The following PCDHGA2 variants were observed in gnomAD, a reference collection of about 807,000 sequenced individuals.
The protein encoded by PCDHGA2 is protocadherin gamma subfamily A, 2, also known as protocadherin gamma-A2.
In PCDHGA2, 40 loss-of-function variants were observed where a neutral mutation model predicts 59.2. The ratio of observed to expected loss-of-function variants is 0.68; its 90% CI spans 0.52 to 0.88. The LOEUF (loss-of-function observed/expected upper bound fraction) is 0.88, where lower values mean the gene tolerates loss of function less well. Among genes scored for constraint, PCDHGA2 ranks in the 40% least tolerant of loss-of-function variants. PCDHGA2 has a pLI of 0.00. For missense variants in PCDHGA2, 1,226 were observed against 1,204.0 expected (o/e 1.02, Z -0.27); for synonymous variants, 560 against 526.0 (o/e 1.06, Z -0.89).
At chr5:141,366,588 A>G (rs1222422488) in intron 1 of PCDHGA2, 1 of 1,614,114 alleles carries the variant, frequency 6.2e-7, no homozygotes, top group African/African-American at 1.3e-5. Context: ...CTGCAGACCT[A>G]TTCCCACGAG....
chr5:141,387,851 C>T, intron 1 of PCDHGA2: 5 of 1,596,536 alleles, frequency 3.1e-6, no homozygotes, highest in Non-Finnish European at 4.3e-6. Flanking sequence ...CCGGCGTCTC[C>T]AGGCTGGTGA....
chr5:141,489,174 C>A lies in PCDHGA2; in HGVS notation c.2425-5633C>A. On this transcript the variant is annotated intron_variant, in intron 1 of 3. Coordinates refer to ENST00000394576, the MANE Select transcript of PCDHGA2 (RefSeq NM_018915.4). The surrounding 1 kb of genome is among the most constrained non-coding windows in gnomAD (Gnocchi z 4.5). ...ATAAGAGACTTCAGCTGCTGCATTC[C>A]AAGCCCTGGGTCTACCTTGGAGACA... The A allele has an allele frequency of 8.2e-7, 1 of 1,224,772 alleles. No individual in the cohort carries two copies. 75.9% of individuals were successfully genotyped at this position (1,224,772 alleles called of 1,614,324 possible).
intron 1 of PCDHGA2, chr5:141,384,315 C>G (rs1465826601): frequency 6.2e-7 from 1 of 1,613,878 alleles, no homozygotes; most frequent in Non-Finnish European, 8.5e-7. Flanking sequence ...CCTCCATTTT[C>G]TTAGTGACTG....
intron 1 of PCDHGA2, 32 bp downstream of exon 1, chr5:141,341,427 C>T (rs1757055903): frequency 6.2e-7 from 1 of 1,612,370 alleles, no homozygotes; most frequent in Non-Finnish European, 8.5e-7. Flanking sequence ...TACGTACTAG[C>T]TAGTTTGCTG....
chr5:141,351,766 C>T (rs754880046), intron 1 of PCDHGA2: 4 of 1,613,526 alleles, frequency 2.5e-6, no homozygotes, highest in South Asian at 1.1e-5. Flanking sequence ...CCTACGTGTC[C>T]GTGAGCCCGC....
At chr5:141,450,067 T>C (rs1007808503) in intron 1 of PCDHGA2, among the ~76,000 whole-genome samples, 4 of 147,604 alleles carry the variant, frequency 2.7e-5, no homozygotes, top group African/African-American at 1.0e-4. Context: ...AATGCAGTGG[T>C]ATGATCTTGG....
chr5:141,485,619 G>A lies in PCDHGA2; in HGVS notation c.2425-9188G>A. On this transcript the variant is annotated intron_variant, in intron 1 of 3. Coordinates refer to ENST00000394576, the MANE Select transcript of PCDHGA2 (RefSeq NM_018915.4). This position sits in a 1 kb window ranked among gnomAD's most constrained non-coding sequence, Gnocchi z 5.7. ...GAAATTGGGGAGGCAGCTCCTCCAG[G>A]ACAGCGTTTCCCGTTGGAAAAGGCT... 3 of 1,612,234 alleles carry A rather than the reference G, an allele frequency of 1.9e-6. No homozygotes were observed. The highest frequency in any genetic ancestry group is 2.5e-6 in the Non-Finnish European group (3 of 1,178,678).
chr5:141,375,744 A>G lies in PCDHGA2; in HGVS notation c.2424+34349A>G, dbSNP rs573966652. The G allele has an allele frequency of 9.3e-6, 15 of 1,614,188 alleles. No individual in the cohort carries two copies. The South Asian group carries it at 1.6e-4, about 18-fold the overall frequency. ...GTGTCACTGAGCCTGTTTGTGCTGGACCAGAATGACAATGCGCCCGAGATC... is the reference window on the plus strand; with the variant it reads ...GTGTCACTGAGCCTGTTTGTGCTGGGCCAGAATGACAATGCGCCCGAGATC... On this transcript the variant is annotated intron_variant, in intron 1 of 3. Transcript: ENST00000394576.
chr5:141,491,714 C>A lies in PCDHGA2; in HGVS notation c.2425-3093C>A, dbSNP rs1321811999. On this transcript the variant is annotated intron_variant, in intron 1 of 3. Transcript: ENST00000394576. The surrounding 1 kb of genome is among the most constrained non-coding windows in gnomAD (Gnocchi z 6.9). ...GAGCGGAGCCAGGTGAGGGGCTCGG[C>A]GCCGCCCCGGGCGACCCCTGGGGGC... 2 of 1,608,742 alleles carry A rather than the reference C, an allele frequency of 1.2e-6. No individual in the cohort carries two copies. The highest frequency in any genetic ancestry group is 1.7e-6 in the Non-Finnish European group (2 of 1,177,914).
chr5:141,490,288 G>T lies in PCDHGA2; in HGVS notation c.2425-4519G>T, dbSNP rs2099698282. 1.2e-6 allele frequency: 2 copies of T among 1,614,080 alleles called. No homozygotes were observed. Among genetic ancestry groups the T allele is most frequent in the South Asian group, 1.1e-5 (1 of 91,092 alleles). On this transcript the variant is annotated intron_variant, in intron 1 of 3. Transcript: ENST00000394576. This position sits in a 1 kb window ranked among gnomAD's most constrained non-coding sequence, Gnocchi z 5.4. ...GGATGTCAATGACAATGCCCCAGAG[G>T]TGCTATTGGCCTCTTTGGCCAACCC...
rs1340366910 is a variant in PCDHGA2 at position 141,490,965 on chromosome 5, C to T, written c.2425-3842C>T. The T allele has an allele frequency of 2.5e-6, 4 of 1,613,738 alleles. No homozygotes were observed. The highest frequency in any genetic ancestry group is 2.7e-5 in the African/African-American group (2 of 74,934). On this transcript the variant is annotated intron_variant, in intron 1 of 3. Transcript: ENST00000394576. This position sits in a 1 kb window ranked among gnomAD's most constrained non-coding sequence, Gnocchi z 5.4. Reference sequence around the variant, plus strand: ...CACGGCCAGACTGGGAACACTCAGCCCCCCAGCGTCTCCCTCGCTCTGCTC... The same window carrying T: ...CACGGCCAGACTGGGAACACTCAGCTCCCCAGCGTCTCCCTCGCTCTGCTC...
chr5:141,359,347 A>G (rs1267627880), intron 1 of PCDHGA2, among the ~76,000 whole-genome samples: 1 of 152,148 alleles, frequency 6.6e-6, no homozygotes, highest in African/African-American at 2.4e-5. Flanking sequence ...AGAGTGCCAC[A>G]TGTTTTAAAG....
intron 1 of PCDHGA2, among the ~76,000 whole-genome samples, chr5:141,369,377 G>T (rs1257760111): frequency 6.6e-6 from 1 of 152,152 alleles, no homozygotes; most frequent in Non-Finnish European, 1.5e-5. Flanking sequence ...CTTTGTAAAA[G>T]TTTTTCATTT....
chr5:141,370,392 G>GGGATGGGAAATAGCTCC, intron 1 of PCDHGA2: 1 of 1,544,790 alleles, frequency 6.5e-7, no homozygotes, highest in Non-Finnish European at 8.7e-7. Context: ...CGCAGAGAGC[G>GGGATGGGAAATAGCTCC]GGATGGGAAA....
At chr5:141,374,286 C>G (rs778269128) in intron 1 of PCDHGA2, 1 of 1,613,980 alleles carries the variant, frequency 6.2e-7, no homozygotes, top group East Asian at 2.2e-5. Flanking sequence ...CGCATCGTCT[C>G]CAGAGGTAGG....
chr5:141,490,396 A>G lies in PCDHGA2; in HGVS notation c.2425-4411A>G. ...GGACTCAGGTAGAAATGGTGAAGTGAGCCTTGATATCTCTCCGGACCTGCC... is the reference window on the plus strand; with the variant it reads ...GGACTCAGGTAGAAATGGTGAAGTGGGCCTTGATATCTCTCCGGACCTGCC... On this transcript the variant is annotated intron_variant, in intron 1 of 3. Coordinates refer to ENST00000394576, the MANE Select transcript of PCDHGA2 (RefSeq NM_018915.4). The surrounding 1 kb of genome is among the most constrained non-coding windows in gnomAD (Gnocchi z 5.4). 1 of 1,614,146 alleles carries G rather than the reference A, an allele frequency of 6.2e-7. No homozygotes were observed. The highest frequency in any genetic ancestry group is 8.5e-7 in the Non-Finnish European group (1 of 1,180,030).
At chr5:141,446,657 A>G (rs2098510367) in intron 1 of PCDHGA2, among the ~76,000 whole-genome samples, 1 of 152,092 alleles carries the variant, frequency 6.6e-6, no homozygotes, top group African/African-American at 2.4e-5. Context: ...TTGTATTTTT[A>G]GTACAAGACA....
At chr5:141,435,390 C>T (rs2097760754) in intron 1 of PCDHGA2, among the ~76,000 whole-genome samples, 1 of 152,052 alleles carries the variant, frequency 6.6e-6, no homozygotes, top group Non-Finnish European at 1.5e-5. Flanking sequence ...ACCGTATTGC[C>T]ATGACGAAAA....
chr5:141,491,390 T>G lies in PCDHGA2; in HGVS notation c.2425-3417T>G. 1 of 1,614,130 alleles carries G rather than the reference T, an allele frequency of 6.2e-7. No individual in the cohort carries two copies. Among genetic ancestry groups the G allele is most frequent in the Admixed American group, 1.7e-5 (1 of 60,028 alleles). ...TTCACCTTTCTGTCAGCGAAGTGCC[T>G]TCAGGGAAACGCAGACGGGGACGGG... On this transcript the variant is annotated intron_variant, in intron 1 of 3. Transcript: ENST00000394576. The surrounding 1 kb of genome is among the most constrained non-coding windows in gnomAD (Gnocchi z 6.9).
Sources: allele counts gnomAD v4.1 joint callset (sites outside exome capture counted in the v4.1 genomes callset), GRCh38; gene constraint gnomAD v4.1.1; non-coding constraint Gnocchi (gnomAD v3.1); transcripts MANE v1.5; gene names NCBI Gene and HGNC (gene_info 2026-07-23, HGNC 2026-07-21).